CACNA1B: variants seen among roughly 807,000 people sequenced by gnomAD.
CACNA1B encodes voltage-dependent N-type calcium channel subunit alpha-1B.
In CACNA1B, 70 loss-of-function variants were observed where a neutral mutation model predicts 247.2. The observed-to-expected ratio is 0.28, with a 90% CI of 0.23 to 0.35. CACNA1B has a LOEUF of 0.35. CACNA1B is among the 10% of genes least tolerant of loss of function. CACNA1B has a pLI of 1.00. For missense variants in CACNA1B, 2,367 were observed against 3,197.4 expected, an observed-to-expected ratio of 0.74 and a Z score of 6.26; for synonymous variants, 1,231 against 1,294.4, an observed-to-expected ratio of 0.95 and a Z score of 1.05.
rs1221419015 is a variant in CACNA1B, at chr9:137,955,811, C to T, written c.1184C>T (p.Ala395Val). Residue 395 changes from alanine to valine, a missense_variant and splice_region_variant, in exon 8 of 47, where the codon GCG becomes GTG. Physicochemically the swap from Ala to Val is moderately conservative, Grantham distance 64. Transcript: ENST00000371372. This position sits in a 1 kb window ranked among gnomAD's most constrained non-coding sequence, Gnocchi z 6.9. ...LNGYLEWIFK[A>V]EEVMLAEEDR... is the part of the protein sequence containing the mutation. Reference sequence around the variant, plus strand: ...GGGTACCTGGAGTGGATCTTCAAGGCGGGTGAGGGCCCGTGGGAGCCACTG... The same window carrying T: ...GGGTACCTGGAGTGGATCTTCAAGGTGGGTGAGGGCCCGTGGGAGCCACTG... 3.1e-6 allele frequency: 5 copies of T among 1,589,576 alleles called. No individual in the cohort carries two copies. The highest frequency in any genetic ancestry group is 2.7e-5 in the African/African-American group (2 of 74,454).
At position 137,899,509 on chromosome 9, in the gene CACNA1B, A is replaced by C. The variant is rs898396134; in HGVS notation, c.531-13671A>C. Among the ~76,000 whole-genome samples the C allele has an allele frequency of 6.6e-6, 1 of 152,198 alleles. No individual in the cohort carries two copies. The highest frequency in any genetic ancestry group is 1.5e-5 in the Non-Finnish European group (1 of 68,040). On this transcript the variant is annotated intron_variant, in intron 3 of 46. Coordinates refer to ENST00000371372, the MANE Select transcript of CACNA1B (RefSeq NM_000718.4). The surrounding 1 kb of genome is among the most constrained non-coding windows in gnomAD (Gnocchi z 5.0). ...TGTGCTTGGGGTTGGGGTTCCCCGCATGCCATGCCTAGCTCTTCTTCTCCC... is the reference window on the plus strand; with the variant it reads ...TGTGCTTGGGGTTGGGGTTCCCCGCCTGCCATGCCTAGCTCTTCTTCTCCC...
intron 3 of CACNA1B, among the ~76,000 whole-genome samples, chr9:137,893,459 A>C (rs367834206): frequency 6.6e-6 from 1 of 150,810 alleles, no homozygotes; most frequent in African/African-American, 2.4e-5. Context: ...GACCAGCCTG[A>C]CCAACATGGT....
In CACNA1B at chr9:138,073,459, G is replaced by T; in HGVS notation, c.4675-29G>T. Reference sequence around the variant, plus strand: ...TGCCTGCGCTTTCGGGGCTTCTGAAGGTCAGAGAACAATTCCTCTTCTCTG... The same window carrying T: ...TGCCTGCGCTTTCGGGGCTTCTGAATGTCAGAGAACAATTCCTCTTCTCTG... On this transcript the variant is annotated intron_variant, in intron 32 of 46. Coordinates refer to ENST00000371372, the MANE Select transcript of CACNA1B (RefSeq NM_000718.4). The surrounding 1 kb of genome is among the most constrained non-coding windows in gnomAD (Gnocchi z 6.4). 1 of 1,430,128 alleles carries T rather than the reference G, an allele frequency of 7.0e-7. No homozygotes were observed. The highest frequency in any genetic ancestry group is 9.9e-7 in the Non-Finnish European group (1 of 1,012,916). 88.6% of individuals were successfully genotyped at this position (1,430,128 alleles called of 1,614,324 possible).
intron 15 of CACNA1B, among the ~76,000 whole-genome samples, chr9:137,992,046 A>G (rs1163707576): frequency 6.6e-6 from 1 of 152,224 alleles, no homozygotes; most frequent in Non-Finnish European, 1.5e-5. Context: ...ACAGCATGGT[A>G]TTCAGGCAAC....
At chr9:138,004,946 C>G (rs1052028422) in intron 15 of CACNA1B, among the ~76,000 whole-genome samples, 3 of 152,186 alleles carry the variant, frequency 2.0e-5, no homozygotes, top group Non-Finnish European at 4.4e-5. Flanking sequence ...TATCGTCTCA[C>G]CCATTTGGGA....
Position 138,085,055 on chromosome 9 carries a change from G to A in CACNA1B, c.5094+6797G>A, listed in dbSNP as rs76236523. On this transcript the variant is annotated intron_variant, in intron 36 of 46. Transcript: ENST00000371372. The stretch of plus-strand genomic sequence containing the variant: ...CTAAATTTAAAAACTGACAGAAAAG[G>A]GATTCAAAATAATGTTCTTAAAGAA... Among the ~76,000 whole-genome samples, 418 of 150,202 alleles carry A rather than the reference G, an allele frequency of 2.8e-3. 30 individuals are homozygous for A. The East Asian group carries it at 0.044, about 16-fold the overall frequency.
At chr9:138,060,658 G>A (rs1959688979) in intron 31 of CACNA1B, among the ~76,000 whole-genome samples, 1 of 152,222 alleles carries the variant, frequency 6.6e-6, no homozygotes, top group Admixed American at 6.5e-5. Flanking sequence ...TGCCACGAGT[G>A]CTGCACCCAA....
intron 34 of CACNA1B, 104 bp downstream of exon 34, chr9:138,074,170 C>T: frequency 1.2e-6 from 1 of 839,274 alleles, no homozygotes; most frequent in Non-Finnish European, 2.1e-6. Context: ...TCAGTTGATC[C>T]TTAGTGAACA....
rs1411894506 is a variant in CACNA1B, at chr9:137,878,147, A to C, written c.214A>C (p.Asn72His). The C allele has an allele frequency of 7.6e-7, 1 of 1,310,104 alleles. No individual in the cohort carries two copies. Among genetic ancestry groups the C allele is most frequent in the African/African-American group, 1.5e-5 (1 of 65,360 alleles). 81.2% of individuals were successfully genotyped at this position (1,310,104 alleles called of 1,614,324 possible). A position where few individuals can be genotyped will look rare whatever the true frequency, so the allele number is the denominator to read the frequency against. ...IPVKQNCFTVNRSLFVFSEDN... is the reference protein window; with the variant it reads ...IPVKQNCFTVHRSLFVFSEDN... ...GGTCAAGCAGAACTGCTTCACCGTC[A>C]ACCGCTCGCTCTTCGTCTTCAGCGA... is the stretch of plus-strand genomic sequence containing the variant. The change falls in exon 1 of 47, where the codon AAC (asparagine) becomes CAC (histidine). Residue 72 changes from asparagine to histidine, a missense_variant. Asn to His is a moderately conservative substitution (Grantham distance 68, BLOSUM62 1). Coordinates refer to ENST00000371372, the MANE Select transcript of CACNA1B (RefSeq NM_000718.4).
At chr9:138,112,530 C>A in intron 40 of CACNA1B, 25 bp downstream of exon 40, 1 of 1,435,678 alleles carries the variant, frequency 7.0e-7, no homozygotes, top group Non-Finnish European at 9.8e-7. Flanking sequence ...GAGAAATGCC[C>A]CCAGCCCCCA....
At chr9:138,071,854 C>T (rs555833461) in intron 32 of CACNA1B, among the ~76,000 whole-genome samples, 4 of 152,214 alleles carry the variant, frequency 2.6e-5, no homozygotes, top group East Asian at 3.9e-4. Flanking sequence ...GTCCCTGCCC[C>T]TCCAGACCCC....
rs543148666 is a variant in CACNA1B at position 137,985,757 on chromosome 9, A to G, written c.1770-656A>G. On this transcript the variant is annotated intron_variant, in intron 13 of 46. Transcript: ENST00000371372. ...ATGAGGGACCGGCCCCTCAGTTGCCATCAGCAGCCTCGGTGGCACCTGTGT... is the reference window on the plus strand; with the variant it reads ...ATGAGGGACCGGCCCCTCAGTTGCCGTCAGCAGCCTCGGTGGCACCTGTGT... Among the ~76,000 whole-genome samples the G allele has an allele frequency of 1.1e-4, 17 of 152,328 alleles. No homozygotes were observed. In the South Asian group the frequency reaches 3.5e-3, roughly 32 times the overall value.
rs2133422229 is a variant in CACNA1B, at chr9:138,012,563, A to G, written c.2161-566A>G. The stretch of plus-strand genomic sequence containing the variant: ...ATTCAAGAAAAATTAAATTAAAAAA[A>G]TTTAGCCAGTCGTGATGACACGTGC... On this transcript the variant is annotated intron_variant, in intron 17 of 46. Coordinates refer to ENST00000371372, the MANE Select transcript of CACNA1B (RefSeq NM_000718.4). This position sits in a 1 kb window ranked among gnomAD's most constrained non-coding sequence, Gnocchi z 4.2. 1.3e-5 allele frequency among the ~76,000 whole-genome samples: 2 copies of G among 152,110 alleles called. No individual in the cohort carries two copies. The highest frequency in any genetic ancestry group is 4.8e-5 in the African/African-American group (2 of 41,512).
intron 6 of CACNA1B, among the ~76,000 whole-genome samples, chr9:137,951,127 G>C (rs1957873141): frequency 6.6e-6 from 1 of 152,244 alleles, no homozygotes; most frequent in Non-Finnish European, 1.5e-5. Context: ...TGGCCACTCA[G>C]TCCACAGATC....
chr9:138,000,121 T>C (rs187299909), intron 15 of CACNA1B, among the ~76,000 whole-genome samples: 6,940 of 148,516 alleles, frequency 0.047, 238 homozygotes, highest in South Asian at 0.11. Context: ...TTTTTTGAGA[T>C]GGAGTCTCGC....
chr9:137,994,783 T>C (rs1958476782), intron 15 of CACNA1B, among the ~76,000 whole-genome samples: 1 of 152,212 alleles, frequency 6.6e-6, no homozygotes. Flanking sequence ...ATGACTATAC[T>C]GCCAAAAGCA....
At chr9:137,939,284 ACT>A (rs1226125422) in intron 6 of CACNA1B, among the ~76,000 whole-genome samples, 1 of 152,132 alleles carries the variant, frequency 6.6e-6, no homozygotes, top group African/African-American at 2.4e-5. Flanking sequence ...AGTGTATGGA[ACT>A]CTCTTCAAGA....
chr9:138,066,317 C>T (rs1324831647), intron 31 of CACNA1B, among the ~76,000 whole-genome samples: 1 of 152,198 alleles, frequency 6.6e-6, no homozygotes, highest in Non-Finnish European at 1.5e-5. Flanking sequence ...CACGCTGGCT[C>T]ACGCCTGTAC....
intron 36 of CACNA1B, among the ~76,000 whole-genome samples, chr9:138,093,902 C>A (rs899716774): frequency 6.6e-6 from 1 of 152,044 alleles, no homozygotes; most frequent in Non-Finnish European, 1.5e-5. Flanking sequence ...ACAGAATGAT[C>A]CAGTAATTGT....
Sources: gnomAD v4.1 joint callset for allele counts (sites outside exome capture counted in the v4.1 genomes callset) on GRCh38, gnomAD v4.1.1 for gene constraint, Gnocchi (gnomAD v3.1) non-coding constraint, MANE v1.5 for transcripts, NCBI Gene and HGNC (gene_info 2026-07-23, HGNC 2026-07-21) for gene names.